N4BP2: variants seen among roughly 807,000 people sequenced by gnomAD.
N4BP2 encodes NEDD4-binding protein 2.
Under a neutral mutation model 152.8 loss-of-function variants are expected in N4BP2, and 91 were observed. The observed-to-expected ratio is 0.60, with a 90% CI of 0.50 to 0.71. The LOEUF (loss-of-function observed/expected upper bound fraction) is 0.71, where lower values mean the gene tolerates loss of function less well. Among genes scored for constraint, N4BP2 ranks in the 30% least tolerant of loss-of-function variants. The pLI, the probability that N4BP2 is intolerant of heterozygous loss-of-function variation, is 0.00. For missense variants in N4BP2, 1,923 were observed against 2,059.1 expected (o/e 0.93, Z 1.28); for synonymous variants, 646 against 705.3 (o/e 0.92, Z 1.33).
chr4:40,179,767 T>C, the N4BP2 span, among the ~76,000 whole-genome samples: 52 of 148,702 alleles, frequency 3.5e-4, no homozygotes, highest in South Asian at 4.3e-3. Flanking sequence ...TTCTTTTTTT[T>C]TTTTTTTTTT....
At chr4:40,072,827 C>G (rs1293317173) in intron 1 of N4BP2, among the ~76,000 whole-genome samples, 1 of 151,058 alleles carries the variant, frequency 6.6e-6, no homozygotes, top group East Asian at 2.0e-4. Flanking sequence ...CCAGGTGATT[C>G]TCCTGTCTCA....
At chr4:40,093,717 A>G (rs1405373044) in intron 2 of N4BP2, among the ~76,000 whole-genome samples, 2 of 152,052 alleles carry the variant, frequency 1.3e-5, no homozygotes, top group East Asian at 1.9e-4. Context: ...CCTGGGTTCA[A>G]ACGATTCTCC....
In N4BP2 at chr4:40,131,900, G is replaced by C; in HGVS notation, c.4627G>C (p.Asp1543His). Residue 1543 changes from aspartate (D) to histidine (H), a missense_variant, in exon 13 of 18, where the codon GAC becomes CAC. Asp to His is a moderately conservative substitution (Grantham distance 81). Transcript: ENST00000261435. ...AGCCATTAACCAAAATTTTCTGGTG[G>C]ACATTTTCAAGGACCACAAGTGAGT... is the stretch of plus-strand genomic sequence containing the variant. ...FPAINQNFLV[D>H]IFKDHNYSLE... The C allele has an allele frequency of 6.2e-7, 1 of 1,610,926 alleles. No homozygotes were observed. The highest frequency in any genetic ancestry group is 8.5e-7 in the Non-Finnish European group (1 of 1,177,274).
chr4:40,111,426 T>A (rs1452839647), intron 5 of N4BP2, among the ~76,000 whole-genome samples: 2 of 152,058 alleles, frequency 1.3e-5, no homozygotes, highest in Admixed American at 1.3e-4. Flanking sequence ...GTTCAAGTGA[T>A]TCTGCTGTCT....
At chr4:40,079,149 T>A (rs1373118250) in intron 2 of N4BP2, among the ~76,000 whole-genome samples, 1 of 152,064 alleles carries the variant, frequency 6.6e-6, no homozygotes, top group African/African-American at 2.4e-5. Flanking sequence ...CTTGAACTCC[T>A]GACCTCAAGT....
chr4:40,166,567 TA>T, the N4BP2 span: 1 of 152,078 alleles, frequency 6.6e-6, no homozygotes, highest in Non-Finnish European at 1.5e-5. Context: ...TGCATGCCAG[TA>T]ATCCCAGCTA....
chr4:40,087,687 C>G (rs1578991646), intron 2 of N4BP2, among the ~76,000 whole-genome samples: 1 of 151,654 alleles, frequency 6.6e-6, no homozygotes, highest in South Asian at 2.1e-4. Context: ...GCCCCCTCCG[C>G]CCAAAAAAAA....
the N4BP2 span, among the ~76,000 whole-genome samples, chr4:40,184,634 T>C: frequency 2.3e-4 from 35 of 152,332 alleles, 1 homozygote; most frequent in South Asian, 7.0e-3. Flanking sequence ...TTGTTGCCTT[T>C]CAGACGTGAA....
intron 12 of N4BP2, among the ~76,000 whole-genome samples, chr4:40,128,265 C>T (rs1318529898): frequency 1.3e-5 from 2 of 152,172 alleles, no homozygotes; most frequent in Non-Finnish European, 2.9e-5. Context: ...CATTTTAACA[C>T]TTTCTTATTC....
rs73140131 is a variant in N4BP2, at chr4:40,064,775, G to A, written c.-212+7745G>A. Among the ~76,000 whole-genome samples the A allele has an allele frequency of 4.1e-3, 629 of 151,998 alleles. 8 individuals are homozygous for A. The highest frequency in any genetic ancestry group is 0.014 in the African/African-American group (599 of 41,450). ...AATTGAACCAATAAATATGGGTTGG[G>A]TGTGATGGGGTAGAGATGGAGTCTT... On this transcript the variant is annotated intron_variant, in intron 1 of 17. Transcript: ENST00000261435.
chr4:40,103,118 A>G lies in N4BP2; in HGVS notation c.1273A>G (p.Thr425Ala). The change falls in exon 4 of 18, where the codon ACC (threonine) becomes GCC (alanine). Residue 425 changes from threonine (T) to alanine (A), a missense_variant. Transcript: ENST00000261435. Reference sequence around the variant, plus strand: ...AACAAGTGCTTATCAAGTACAAGAAACCCCAGTTTCTCAGGTTGTAAGAAA... The same window carrying G: ...AACAAGTGCTTATCAAGTACAAGAAGCCCCAGTTTCTCAGGTTGTAAGAAA... ...DGTSAYQVQE[T>A]PVSQVVRKKT... The G allele has an allele frequency of 6.2e-7, 1 of 1,614,040 alleles. No homozygotes were observed. The highest frequency in any genetic ancestry group is 1.1e-5 in the South Asian group (1 of 91,062).
At chr4:40,065,769 T>C (rs1213926505) in intron 1 of N4BP2, among the ~76,000 whole-genome samples, 1 of 152,040 alleles carries the variant, frequency 6.6e-6, no homozygotes, top group Non-Finnish European at 1.5e-5. Flanking sequence ...TTTTAGCATT[T>C]TTAAGGTCAG....
the N4BP2 span, among the ~76,000 whole-genome samples, chr4:40,186,985 G>C: frequency 6.6e-6 from 1 of 152,080 alleles, no homozygotes; most frequent in Non-Finnish European, 1.5e-5. Flanking sequence ...ATTTTAAGCT[G>C]GTTCTTTTCA....
downstream of N4BP2, among the ~76,000 whole-genome samples, chr4:40,159,650 A>G (rs1042257859): frequency 2.0e-5 from 3 of 152,204 alleles, no homozygotes; most frequent in African/African-American, 4.8e-5. Flanking sequence ...GAACCTAGTC[A>G]TGTCATATCT....
At chr4:40,148,120 A>C (rs1022108655) in intron 16 of N4BP2, among the ~76,000 whole-genome samples, 1 of 152,164 alleles carries the variant, frequency 6.6e-6, no homozygotes, top group Non-Finnish European at 1.5e-5. Flanking sequence ...TGGAGGTTGT[A>C]GCGAGCCGAG....
At chr4:40,114,467 G>T (rs1717178195) in intron 7 of N4BP2, among the ~76,000 whole-genome samples, 1 of 152,096 alleles carries the variant, frequency 6.6e-6, no homozygotes, top group Admixed American at 6.6e-5. Context: ...CATATAAATG[G>T]AACATACAAT....
chr4:40,057,992 A>G (rs993892290), intron 1 of N4BP2, among the ~76,000 whole-genome samples: 1 of 151,886 alleles, frequency 6.6e-6, no homozygotes, highest in African/African-American at 2.4e-5. Flanking sequence ...TGCTTTTTCT[A>G]CTCGACATCT....
At chr4:40,124,101 A>G in intron 10 of N4BP2, 59 bp from the exon 11 acceptor site, 1 of 1,286,664 alleles carries the variant, frequency 7.8e-7, no homozygotes, top group Non-Finnish European at 1.1e-6. Context: ...ATAACCTTGT[A>G]TCCTTGTTTA....
At chr4:40,086,781 T>C (rs1344517150) in intron 2 of N4BP2, among the ~76,000 whole-genome samples, 1 of 152,156 alleles carries the variant, frequency 6.6e-6, no homozygotes, top group Admixed American at 6.6e-5. Context: ...AAGGTTTTGC[T>C]TTGTTGCTCA....
Sources: allele counts gnomAD v4.1 joint callset (sites outside exome capture counted in the v4.1 genomes callset), GRCh38; gene constraint gnomAD v4.1.1; transcripts MANE v1.5; gene names NCBI Gene and HGNC (gene_info 2026-07-23, HGNC 2026-07-21).